TMEM132A: variants seen among roughly 807,000 people sequenced by gnomAD.
TMEM132A encodes the protein transmembrane protein 132A, also known as GRP78-binding protein.
Under a neutral mutation model 69.9 loss-of-function variants are expected in TMEM132A, and 48 were observed. The observed-to-expected ratio is 0.69, with a 90% CI of 0.55 to 0.87. The LOEUF is 0.87. Among genes scored for constraint, TMEM132A ranks in the 40% least tolerant of loss-of-function variants. The probability of loss-of-function intolerance (pLI) is 0.00; values close to 1 mark genes in which losing one functional copy is unlikely to be tolerated. For missense variants in TMEM132A, 1,287 were observed against 1,407.2 expected (o/e 0.91, Z 1.37); for synonymous variants, 577 against 613.7 (o/e 0.94, Z 0.88).
intron 8 of TMEM132A, 190 bp downstream of exon 8, chr11:60,933,934 A>G: frequency 1.7e-6 from 1 of 595,512 alleles, no homozygotes; most frequent in Non-Finnish European, 3.0e-6. Flanking sequence ...TGACTTCCGC[A>G]TCCCTCTCCT....
chr11:60,924,604 C>T lies in TMEM132A; in HGVS notation c.-30C>T, dbSNP rs1314510131. The T allele has an allele frequency of 1.3e-6, 2 of 1,562,314 alleles. No homozygotes were observed. The highest frequency in any genetic ancestry group is 4.8e-5 in the East Asian group (2 of 42,016). On this transcript the variant is annotated 5_prime_UTR_variant, in exon 1 of 11. Transcript: ENST00000453848. ...TGCGGGACTGGGGCCACCTGAGCCG[C>T]CCGCCTCGTCCCCGCCTTCTGTGGG...
intron 3 of TMEM132A, 73 bp from the exon 4 acceptor site, chr11:60,928,556 C>A: frequency 7.1e-7 from 1 of 1,415,282 alleles, no homozygotes; most frequent in South Asian, 1.2e-5. Flanking sequence ...GGTTTCCTGC[C>A]ATGGGTGCTG....
At chr11:60,928,292 G>C (rs565685561) in intron 3 of TMEM132A, among the ~76,000 whole-genome samples, 2 of 152,132 alleles carry the variant, frequency 1.3e-5, no homozygotes, top group African/African-American at 4.8e-5. Context: ...TGGGAGAGGC[G>C]TCTCTTGAGC....
intron 1 of TMEM132A, among the ~76,000 whole-genome samples, chr11:60,926,882 T>A (rs944821729): frequency 3.3e-5 from 5 of 152,094 alleles, no homozygotes; most frequent in Non-Finnish European, 7.4e-5. Context: ...GGCGAGTAGA[T>A]GGAGGGCAGG....
chr11:60,924,625 G>GT lies in TMEM132A; in HGVS notation c.-8dup. ...GCCGCCCGCCTCGTCCCCGCCTTCT[G>GT]TGGGAAGGATGTGCGCGCGGATGGC... On this transcript the variant is annotated 5_prime_UTR_variant, in exon 1 of 11. Coordinates refer to ENST00000453848, the MANE Select transcript of TMEM132A (RefSeq NM_178031.3). The GT allele has an allele frequency of 3.8e-6, 6 of 1,589,722 alleles. No homozygotes were observed. Among genetic ancestry groups the GT allele is most frequent in the Non-Finnish European group, 5.1e-6 (6 of 1,174,208 alleles).
rs764623840 is a variant in TMEM132A, at chr11:60,936,661, G to A, written c.2826G>A (p.Gly942=). Reference sequence around the variant, plus strand: ...CTACCCTGGCCCCTGGCCCTCCTGGGGGCACCACCAGCTCCTCAAGCACCC... The same window carrying A: ...CTACCCTGGCCCCTGGCCCTCCTGGAGGCACCACCAGCTCCTCAAGCACCC... The part of the protein sequence containing the change: ...EAPTLAPGPP[G]GTTSSSSTLA... The change falls in exon 11 of 11, where the codon GGG becomes GGA. Residue 942 remains glycine, a synonymous_variant. Coordinates refer to ENST00000453848, the MANE Select transcript of TMEM132A (RefSeq NM_178031.3). The A allele has an allele frequency of 1.9e-6, 3 of 1,553,018 alleles. No homozygotes were observed. Among genetic ancestry groups the A allele is most frequent in the Non-Finnish European group, 2.6e-6 (3 of 1,150,962 alleles).
At chr11:60,924,895 G>T (rs571438780) in intron 1 of TMEM132A, among the ~76,000 whole-genome samples, 162 bp downstream of exon 1, 4 of 152,172 alleles carry the variant, frequency 2.6e-5, no homozygotes, top group Admixed American at 6.5e-5. Flanking sequence ...TCGGGAACCT[G>T]CCCCCAGCCA....
chr11:60,936,557 C>T lies in TMEM132A; in HGVS notation c.2722C>T (p.Gln908Ter). 1 of 1,610,636 alleles carries T rather than the reference C, an allele frequency of 6.2e-7. No homozygotes were observed. The highest frequency in any genetic ancestry group is 1.1e-5 in the South Asian group (1 of 91,016). The change falls in exon 11 of 11, where the codon CAG becomes TAG. Residue 908 changes from glutamine to a stop codon, truncating the protein, a stop_gained. Coordinates refer to ENST00000453848, the MANE Select transcript of TMEM132A (RefSeq NM_178031.3). LOFTEE classifies it low-confidence loss of function (END_TRUNC). ...CACTGACCAGGAGGAACTGAGCCGCCAGCTGGACCGGCAGTCCCCTGGCCC... is the reference window on the plus strand; with the variant it reads ...CACTGACCAGGAGGAACTGAGCCGCTAGCTGGACCGGCAGTCCCCTGGCCC... Reference protein sequence around the residue: ...LGTDQEELSRQLDRQSPGPPK... With the variant: ...LGTDQEELSR
chr11:60,935,941 G>A lies in TMEM132A; in HGVS notation c.2106G>A (p.Leu702=), dbSNP rs1456788426. The A allele has an allele frequency of 2.5e-6, 4 of 1,611,820 alleles. No homozygotes were observed. The highest frequency in any genetic ancestry group is 1.3e-5 in the African/African-American group (1 of 74,854). ...CTGAGCTCTACGACCGCCGTGACCT[G>A]GGACTGTCCGTCTCAGCCGAGGAGC... ...APAELYDRRD[L]GLSVSAEEPG... The change falls in exon 11 of 11, where the codon CTG becomes CTA. Residue 702 remains leucine (L), a synonymous_variant. Transcript: ENST00000453848. This position sits in a 1 kb window ranked among gnomAD's most constrained non-coding sequence, Gnocchi z 5.0.
rs1363586303 is a variant in TMEM132A at position 60,933,806 on chromosome 11, C to T, written c.1559+62C>T. On this transcript the variant is annotated intron_variant, in intron 8 of 10. Transcript: ENST00000453848. ...GAGTCACACTGGGACGGAGAGGGCG[C>T]AGGGGACACAGCCATGGGCCCAAGT... The T allele has an allele frequency of 7.6e-6, 11 of 1,448,898 alleles. No individual in the cohort carries two copies. In the Admixed American group the frequency reaches 1.7e-4, roughly 22 times the overall value. The allele number at this position is 1,448,898 out of a possible 1,614,324, so 89.8% of individuals were successfully genotyped here.
chr11:60,924,902 G>A (rs2134888213), intron 1 of TMEM132A, among the ~76,000 whole-genome samples, 169 bp downstream of exon 1: 1 of 152,212 alleles, frequency 6.6e-6, no homozygotes, highest in Non-Finnish European at 1.5e-5. Flanking sequence ...CCTGCCCCCA[G>A]CCACTCGCCC....
chr11:60,936,757 C>T lies in TMEM132A; in HGVS notation c.2922C>T (p.Ala974=), dbSNP rs1322299789. The T allele has an allele frequency of 2.5e-6, 4 of 1,610,302 alleles. No individual in the cohort carries two copies. The highest frequency in any genetic ancestry group is 3.4e-6 in the Non-Finnish European group (4 of 1,178,628). Reference sequence around the variant, plus strand: ...TGACATTTGCGCCAGCCCCTCCAGCCCAGTCACCTGAGGAGCCTGTAGGGG... The same window carrying T: ...TGACATTTGCGCCAGCCCCTCCAGCTCAGTCACCTGAGGAGCCTGTAGGGG... ...EFVTFAPAPP[A]QSPEEPVGAP... The change falls in exon 11 of 11, where the codon GCC becomes GCT. Residue 974 remains alanine, a synonymous_variant. Coordinates refer to ENST00000453848, the MANE Select transcript of TMEM132A (RefSeq NM_178031.3).
chr11:60,933,360 T>G (rs1002589490), intron 7 of TMEM132A, 182 bp from the exon 8 acceptor site: 2 of 591,468 alleles, frequency 3.4e-6, no homozygotes, highest in African/African-American at 3.7e-5. Context: ...TTTATTGTAT[T>G]TTTTGTAGAG....
chr11:60,925,032 C>T (rs779925568), intron 1 of TMEM132A, among the ~76,000 whole-genome samples: 1 of 152,272 alleles, frequency 6.6e-6, no homozygotes, highest in East Asian at 1.9e-4. Flanking sequence ...GCATCGAACC[C>T]GGCGGCCCCG....
Position 60,933,682 on chromosome 11 carries a change from C to G in TMEM132A, c.1497C>G (p.Ile499Met), listed in dbSNP as rs773420606. The G allele has an allele frequency of 1.2e-6, 2 of 1,603,974 alleles. No homozygotes were observed. The highest frequency in any genetic ancestry group is 8.5e-7 in the Non-Finnish European group (1 of 1,177,672). Residue 499 changes from isoleucine to methionine, a missense_variant, in exon 8 of 11, where the codon ATC (isoleucine) becomes ATG (methionine). By Grantham distance (10) the Ile-to-Met change is conservative (BLOSUM62 1). Transcript: ENST00000453848. ...TVWAPLLPLR[I>M]ELTDTTLEQV... ...GGGCCCCCCTGCTACCGCTGCGTAT[C>G]GAGCTCACCGACACCACCCTCGAGC...
At chr11:60,926,230 A>AGTGGAGAGAGAAGTGGCAG (rs1856343015) in intron 1 of TMEM132A, 2 of 152,358 alleles carry the variant, frequency 1.3e-5, no homozygotes, top group Admixed American at 1.3e-4. Flanking sequence ...GGCAGTGGAG[A>AGTGGAGAGAGAAGTGGCAG]GTGGAGAGAG....
In TMEM132A at chr11:60,927,414, A is replaced by G. The variant is rs1383144622; in HGVS notation, c.311A>G (p.Gln104Arg). The G allele has an allele frequency of 1.9e-6, 3 of 1,611,698 alleles. No individual in the cohort carries two copies. Among genetic ancestry groups the G allele is most frequent in the Non-Finnish European group, 2.5e-6 (3 of 1,179,032 alleles). ...GCCTCCTACCCACCTTTTGCCACTC[A>G]GCAGGTAAGGAGGGGGCACCGGGGA... ...LRASYPPFAT[Q>R]QVVPPRVTEP... The change falls in exon 2 of 11, where the codon CAG (glutamine) becomes CGG (arginine). Residue 104 changes from glutamine (Q) to arginine (R), a missense_variant. By Grantham distance (43) the Gln-to-Arg change is conservative. Coordinates refer to ENST00000453848, the MANE Select transcript of TMEM132A (RefSeq NM_178031.3).
chr11:60,935,565 ACT>A lies in TMEM132A; in HGVS notation c.2028+125_2028+126del, dbSNP rs1856575517. On this transcript the variant is annotated intron_variant, in intron 10 of 10. Coordinates refer to ENST00000453848, the MANE Select transcript of TMEM132A (RefSeq NM_178031.3). This position sits in a 1 kb window ranked among gnomAD's most constrained non-coding sequence, Gnocchi z 5.0. The stretch of plus-strand genomic sequence containing the variant: ...CTTAGGGTTTTCAGAGTGAGGACTG[ACT>A]CTGTGAGGTAGTGAGCTCTCTGCAG... 4 of 1,074,112 alleles carry A rather than the reference ACT, an allele frequency of 3.7e-6. No homozygotes were observed. The highest frequency in any genetic ancestry group is 5.3e-6 in the Non-Finnish European group (4 of 750,988). The allele number at this position is 1,074,112 out of a possible 1,614,324, so 66.5% of individuals were successfully genotyped here.
At chr11:60,926,678 G>A (rs1388512824) in intron 1 of TMEM132A, 1 of 190,426 alleles carries the variant, frequency 5.3e-6, no homozygotes, top group Non-Finnish European at 1.1e-5. Flanking sequence ...CTCGATACCA[G>A]TCGGTTCAGG....
Sources: allele counts gnomAD v4.1 joint callset (sites outside exome capture counted in the v4.1 genomes callset), GRCh38; gene constraint gnomAD v4.1.1; non-coding constraint Gnocchi (gnomAD v3.1); transcripts MANE v1.5; gene names NCBI Gene and HGNC (gene_info 2026-07-23, HGNC 2026-07-21).